Variants in EPHA5 observed in about 807,000 individuals in gnomAD.
EPHA5 encodes the protein ephrin type-A receptor 5.
Under a neutral mutation model 105.0 loss-of-function variants are expected in EPHA5, and 60 were observed. The observed-to-expected ratio is 0.57, with a 90% CI of 0.46 to 0.71. EPHA5 has a LOEUF of 0.71. Ranked by LOEUF, EPHA5 falls within the 30% of genes least tolerant of loss-of-function variation. The pLI is 0.00. For synonymous variants in EPHA5, 513 were observed against 449.1 expected, an observed-to-expected ratio of 1.14 and a Z score of -1.80; for missense variants, 1,218 against 1,274.7, an observed-to-expected ratio of 0.96 and a Z score of 0.68.
chr4:65,518,561 T>C (rs1734337624), intron 3 of EPHA5, among the ~76,000 whole-genome samples: 1 of 151,980 alleles, frequency 6.6e-6, no homozygotes, highest in Non-Finnish European at 1.5e-5. Flanking sequence ...AATCTCTGGA[T>C]ATAACAGAAA....
intron 7 of EPHA5, among the ~76,000 whole-genome samples, chr4:65,405,407 T>A (rs768311897): frequency 1.3e-4 from 20 of 152,186 alleles, no homozygotes; most frequent in Non-Finnish European, 2.8e-4. Flanking sequence ...TTCAGCTTCA[T>A]GGTATCAAAT....
At chr4:65,521,032 C>T (rs182228628) in intron 3 of EPHA5, among the ~76,000 whole-genome samples, 50 of 152,154 alleles carry the variant, frequency 3.3e-4, no homozygotes, top group African/African-American at 1.1e-3. Flanking sequence ...AGAGTATATA[C>T]CCAAAAGATT....
intron 1 of EPHA5, among the ~76,000 whole-genome samples, chr4:65,653,897 C>T (rs910123410): frequency 6.6e-6 from 1 of 151,932 alleles, no homozygotes; most frequent in African/African-American, 2.4e-5. Flanking sequence ...GACCATGGAT[C>T]AGAGGGGTCT....
Position 65,607,692 on chromosome 4 carries a change from G to A in EPHA5, c.247-5388C>T, listed in dbSNP as rs113917879. Among the ~76,000 whole-genome samples, 53 of 152,334 alleles carry A rather than the reference G, an allele frequency of 3.5e-4. 2 individuals are homozygous for A. Among genetic ancestry groups the A allele is most frequent in the African/African-American group, 1.2e-3 (51 of 41,582 alleles). On this transcript the variant is annotated intron_variant, in intron 2 of 16. Transcript: ENST00000613740. Reference sequence around the variant, plus strand: ...AAAAGCCAGGAAACCACAGATGCTGGAGAGGGTGTGGAGAAATAGGAACAC... The same window carrying A: ...AAAAGCCAGGAAACCACAGATGCTGAAGAGGGTGTGGAGAAATAGGAACAC...
chr4:65,595,113 T>C (rs1017450035), intron 3 of EPHA5, among the ~76,000 whole-genome samples: 3 of 151,826 alleles, frequency 2.0e-5, no homozygotes, highest in Non-Finnish European at 4.4e-5. Flanking sequence ...TCACAGTTTT[T>C]TTTCCCCTAA....
intron 3 of EPHA5, among the ~76,000 whole-genome samples, chr4:65,569,652 C>A (rs116202360): frequency 0.01 from 1,565 of 151,704 alleles, 23 homozygotes; most frequent in African/African-American, 0.035. Context: ...AATATATTTT[C>A]ACACATGAAA....
intron 8 of EPHA5, among the ~76,000 whole-genome samples, chr4:65,388,879 A>G (rs1720411435): frequency 6.6e-6 from 1 of 151,864 alleles, no homozygotes; most frequent in Admixed American, 6.6e-5. Flanking sequence ...TTAGGCATGA[A>G]GTCCTTGCCC....
At chr4:65,423,665 G>A (rs1290560902) in intron 5 of EPHA5, among the ~76,000 whole-genome samples, 1 of 141,368 alleles carries the variant, frequency 7.1e-6, no homozygotes, top group Non-Finnish European at 1.5e-5. Context: ...TTATGGGTTT[G>A]TCTGTTTTTT....
intron 3 of EPHA5, among the ~76,000 whole-genome samples, chr4:65,528,809 G>C (rs1015173024): frequency 2.6e-5 from 4 of 152,046 alleles, no homozygotes; most frequent in Non-Finnish European, 5.9e-5. Context: ...TTCTTTCCCC[G>C]TTCCATAACC....
At chr4:65,476,953 G>T (rs989142019) in intron 5 of EPHA5, among the ~76,000 whole-genome samples, 2 of 152,022 alleles carry the variant, frequency 1.3e-5, no homozygotes, top group Non-Finnish European at 2.9e-5. Flanking sequence ...ATTTTCAAAA[G>T]TTTAAAACAT....
chr4:65,367,482 A>C, intron 8 of EPHA5, 58 bp from the exon 9 acceptor site: 1 of 1,500,616 alleles, frequency 6.7e-7, no homozygotes, highest in Non-Finnish European at 9.2e-7. Flanking sequence ...AGTCACATCA[A>C]GCCCAGAAGC....
intron 5 of EPHA5, among the ~76,000 whole-genome samples, chr4:65,487,072 C>T (rs1180400604): frequency 1.3e-5 from 2 of 152,170 alleles, no homozygotes; most frequent in Admixed American, 6.5e-5. Flanking sequence ...TGGAAGCCTC[C>T]TGGGGCCTCA....
chr4:65,546,729 C>T (rs555802891), intron 3 of EPHA5, among the ~76,000 whole-genome samples: 1 of 152,112 alleles, frequency 6.6e-6, no homozygotes, highest in South Asian at 2.1e-4. Flanking sequence ...GAGCAATTTA[C>T]AATGTCTGCG....
At chr4:65,546,404 G>A (rs1203118401) in intron 3 of EPHA5, among the ~76,000 whole-genome samples, 1 of 151,948 alleles carries the variant, frequency 6.6e-6, no homozygotes, top group Non-Finnish European at 1.5e-5. Flanking sequence ...TTAAAAGGTG[G>A]ATATGCTCAG....
rs568877577 is a variant in EPHA5 at position 65,457,687 on chromosome 4, A to G, written c.1402+32690T>C. On this transcript the variant is annotated intron_variant, in intron 5 of 16. Transcript: ENST00000613740. ...GGTCAATGAAGAGTCGTGTAGCATAACACAGTAGTTTTCTAAGCACAGCTA... is the reference window on the plus strand; with the variant it reads ...GGTCAATGAAGAGTCGTGTAGCATAGCACAGTAGTTTTCTAAGCACAGCTA... Among the ~76,000 whole-genome samples, 3 of 152,168 alleles carry G rather than the reference A, an allele frequency of 2.0e-5. No homozygotes were observed. In the East Asian group the frequency reaches 5.8e-4, roughly 29 times the overall value.
At chr4:65,488,948 C>T (rs747180562) in intron 5 of EPHA5, among the ~76,000 whole-genome samples, 26 of 136,556 alleles carry the variant, frequency 1.9e-4, no homozygotes, top group Admixed American at 6.7e-4. Flanking sequence ...CTCAGTGGCG[C>T]GATCTCGGCT....
At chr4:65,477,719 A>T (rs1316103763) in intron 5 of EPHA5, among the ~76,000 whole-genome samples, 2 of 152,048 alleles carry the variant, frequency 1.3e-5, no homozygotes, top group African/African-American at 4.8e-5. Flanking sequence ...AGCCCACTTC[A>T]TGTTCTTAAA....
At chr4:65,646,495 G>A (rs1748125100) in intron 1 of EPHA5, among the ~76,000 whole-genome samples, 1 of 152,112 alleles carries the variant, frequency 6.6e-6, no homozygotes, top group African/African-American at 2.4e-5. Flanking sequence ...ACTTGCTTCT[G>A]GCATTTAATG....
chr4:65,428,338 T>A (rs1724649753), intron 5 of EPHA5, among the ~76,000 whole-genome samples: 1 of 152,128 alleles, frequency 6.6e-6, no homozygotes, highest in Non-Finnish European at 1.5e-5. Context: ...ACTTAGTATA[T>A]CCTTCTTACT....
Sources: gnomAD v4.1 joint callset for allele counts (sites outside exome capture counted in the v4.1 genomes callset) on GRCh38, gnomAD v4.1.1 for gene constraint, MANE v1.5 for transcripts, NCBI Gene and HGNC (gene_info 2026-07-23, HGNC 2026-07-21) for gene names.